Variants in DPY30 observed in about 807,000 individuals in gnomAD.
DPY30 encodes the protein protein dpy-30 homolog.
In DPY30, 6 loss-of-function variants were observed where a neutral mutation model predicts 16.2. The observed-to-expected ratio is 0.37, with a 90% confidence interval of 0.20 to 0.73. The LOEUF (loss-of-function observed/expected upper bound fraction) is 0.73. DPY30 is among the 30% of genes least tolerant of loss of function. The pLI is 0.51. For synonymous variants in DPY30, 39 were observed against 38.8 expected (o/e 1.00, Z -0.02); for missense variants, 73 against 113.1 (o/e 0.65, Z 1.61).
downstream of DPY30, chr2:32,023,728 G>T (rs1258509327): frequency 7.7e-7 from 1 of 1,304,260 alleles, no homozygotes; most frequent in Non-Finnish European, 1.0e-6. Context: ...CCTCAGAAAG[G>T]TCCAGAAACA....
At chr2:32,031,150 C>T (rs2148663701) in intron 3 of DPY30, among the ~76,000 whole-genome samples, 1 of 152,220 alleles carries the variant, frequency 6.6e-6, no homozygotes, top group East Asian at 1.9e-4. Context: ...CGGCCAGGCA[C>T]GGTGGCTGAC....
chr2:32,027,250 G>C (rs1462713761), intron 4 of DPY30, among the ~76,000 whole-genome samples: 2 of 147,360 alleles, frequency 1.4e-5, no homozygotes, highest in East Asian at 4.0e-4. Context: ...ATTCGAGCCT[G>C]GGCAACAGAG....
downstream of DPY30, chr2:32,023,620 G>T: frequency 2.6e-6 from 2 of 764,532 alleles, no homozygotes; most frequent in Non-Finnish European, 4.0e-6. Flanking sequence ...AGAAGATATT[G>T]TATCCCCTTT....
chr2:32,018,618 T>A (rs887026834), intron 5 of DPY30, among the ~76,000 whole-genome samples: 10 of 152,006 alleles, frequency 6.6e-5, no homozygotes, highest in Non-Finnish European at 1.2e-4. Context: ...TCCCAGCTAT[T>A]CAGGAGGCTG....
At chr2:32,030,751 A>T (rs1180887473) in intron 3 of DPY30, among the ~76,000 whole-genome samples, 2 of 152,090 alleles carry the variant, frequency 1.3e-5, no homozygotes, top group Non-Finnish European at 2.9e-5. Flanking sequence ...GTGAGACGAG[A>T]TCATGCCACT....
At chr2:32,019,920 A>G (rs1278015478), downstream of DPY30, among the ~76,000 whole-genome samples, 1 of 148,360 alleles carries the variant, frequency 6.7e-6, no homozygotes, top group Non-Finnish European at 1.5e-5. Context: ...ATAAACATAT[A>G]CATATATTTG....
At chr2:32,019,973 T>TAA (rs1040612850), downstream of DPY30, among the ~76,000 whole-genome samples, 4 of 145,920 alleles carry the variant, frequency 2.7e-5, no homozygotes, top group Non-Finnish European at 6.1e-5. Flanking sequence ...TATATATATA[T>TAA]AATGTTAAGA....
At chr2:32,029,951 T>C (rs960002459) in intron 3 of DPY30, among the ~76,000 whole-genome samples, 1 of 152,114 alleles carries the variant, frequency 6.6e-6, no homozygotes, top group Admixed American at 6.6e-5. Context: ...TATTATCTCA[T>C]TGTTCTAATG....
chr2:32,025,691 G>A (rs1675305936), intron 4 of DPY30, among the ~76,000 whole-genome samples: 1 of 151,346 alleles, frequency 6.6e-6, no homozygotes, highest in Non-Finnish European at 1.5e-5. Context: ...TAACCCCAAA[G>A]GCAGAGGTTG....
intron 4 of DPY30, among the ~76,000 whole-genome samples, chr2:32,026,050 T>A (rs1675322139): frequency 6.6e-6 from 1 of 151,940 alleles, no homozygotes; most frequent in South Asian, 2.1e-4. Flanking sequence ...GAGGCTTCAG[T>A]AAGCCATGAT....
At chr2:32,018,041 G>C (rs555085070) in intron 5 of DPY30, among the ~76,000 whole-genome samples, 1 of 152,248 alleles carries the variant, frequency 6.6e-6, no homozygotes, top group South Asian at 2.1e-4. Flanking sequence ...CTTTAATCTT[G>C]AACTTCTCAG....
chr2:32,031,080 A>C (rs1468402673), intron 3 of DPY30, among the ~76,000 whole-genome samples: 1 of 152,180 alleles, frequency 6.6e-6, no homozygotes, highest in Non-Finnish European at 1.5e-5. Context: ...GAGCATTAAA[A>C]AGTAATTCAT....
intron 3 of DPY30, among the ~76,000 whole-genome samples, chr2:32,037,747 G>A (rs1429955813): frequency 6.6e-6 from 1 of 151,722 alleles, no homozygotes; most frequent in African/African-American, 2.4e-5. Flanking sequence ...CAGTAGAGAC[G>A]GAGTTTCACC....
downstream of DPY30, among the ~76,000 whole-genome samples, chr2:32,023,057 C>A (rs1675219870): frequency 1.3e-5 from 2 of 151,780 alleles, no homozygotes; most frequent in South Asian, 4.2e-4. Context: ...GTGGCTCATG[C>A]CTGTAATCCC....
chr2:32,035,471 T>A lies in DPY30; in HGVS notation c.84+3808A>T, dbSNP rs183841052. The stretch of plus-strand genomic sequence containing the variant: ...CAAAAAATTAGCTGGGTTTGGTGGC[T>A]CCCAGCTACTTGGGAGGCTGAGGCA... On this transcript the variant is annotated intron_variant, in intron 3 of 4. Coordinates refer to ENST00000342166, the MANE Select transcript of DPY30 (RefSeq NM_001321209.2). Among the ~76,000 whole-genome samples, 5 of 151,282 alleles carry A rather than the reference T, an allele frequency of 3.3e-5. No individual in the cohort carries two copies. In the East Asian group the frequency reaches 7.8e-4, roughly 24 times the overall value.
At chr2:32,037,913 A>G (rs1675807472) in intron 3 of DPY30, among the ~76,000 whole-genome samples, 1 of 152,050 alleles carries the variant, frequency 6.6e-6, no homozygotes, top group Non-Finnish European at 1.5e-5. Context: ...TGAGAGTAAC[A>G]GCATTTCTAA....
chr2:32,034,933 AG>A (rs1326611033), intron 3 of DPY30, among the ~76,000 whole-genome samples: 2 of 151,832 alleles, frequency 1.3e-5, no homozygotes, highest in East Asian at 3.9e-4. Context: ...CAGGAGGTGG[AG>A]GTTGCATTGA....
At chr2:32,030,387 T>A (rs1218169625) in intron 3 of DPY30, among the ~76,000 whole-genome samples, 1 of 151,980 alleles carries the variant, frequency 6.6e-6, no homozygotes, top group East Asian at 1.9e-4. Context: ...TCCCAGCACT[T>A]TGGGAGGCCG....
downstream of DPY30, among the ~76,000 whole-genome samples, chr2:32,020,281 C>T (rs548396081): frequency 2.0e-4 from 31 of 151,970 alleles, no homozygotes; most frequent in African/African-American, 5.3e-4. Context: ...AGGTAGATAG[C>T]TTGAGGCCAG....
Sources: gnomAD v4.1 joint callset for allele counts (sites outside exome capture counted in the v4.1 genomes callset) on GRCh38, gnomAD v4.1.1 for gene constraint, MANE v1.5 for transcripts, NCBI Gene and HGNC (gene_info 2026-07-23, HGNC 2026-07-21) for gene names.